PCDHGB2: variants seen among roughly 807,000 people sequenced by gnomAD.
PCDHGB2 encodes protocadherin gamma subfamily B, 2.
A neutral mutation model predicts 59.3 loss-of-function variants in PCDHGB2; 55 were observed. The observed-to-expected ratio is 0.93, with a 90% CI of 0.75 to 1.16. The LOEUF (loss-of-function observed/expected upper bound fraction) is 1.16. Ranked by LOEUF, PCDHGB2 falls within the 50% of genes most tolerant of loss-of-function variation. The pLI is 0.00. For missense variants in PCDHGB2, 1,228 were observed against 1,198.5 expected, an observed-to-expected ratio of 1.02 and a Z score of -0.36; for synonymous variants, 516 against 512.0, an observed-to-expected ratio of 1.01 and a Z score of -0.11.
intron 1 of PCDHGB2, chr5:141,385,554 T>C (rs2090283366): frequency 7.6e-7 from 1 of 1,314,354 alleles, no homozygotes; most frequent in Non-Finnish European, 9.7e-7. Context: ...TATCACATTT[T>C]ATAATTTCCA....
chr5:141,376,155 T>C, intron 1 of PCDHGB2: 1 of 1,614,062 alleles, frequency 6.2e-7, no homozygotes, highest in Non-Finnish European at 8.5e-7. Context: ...GACCTCACTC[T>C]GTACCTGGTG....
At chr5:141,403,662 A>T in intron 1 of PCDHGB2, 1 of 1,613,902 alleles carries the variant, frequency 6.2e-7, no homozygotes, top group Non-Finnish European at 8.5e-7. Context: ...GATACAAATG[A>T]TAATGCCCCG....
intron 3 of PCDHGB2, among the ~76,000 whole-genome samples, chr5:141,507,772 A>C (rs2099863177): frequency 6.6e-6 from 1 of 152,332 alleles, no homozygotes; most frequent in South Asian, 2.1e-4. Flanking sequence ...TGGCCCACAC[A>C]GGGCCTGACC....
intron 1 of PCDHGB2, chr5:141,475,902 C>A (rs1296545944): frequency 1.7e-6 from 1 of 576,594 alleles, no homozygotes; most frequent in Non-Finnish European, 3.0e-6. Context: ...GTGCCGCTGT[C>A]GGCCAATGAA....
chr5:141,389,935 C>G (rs1212194328), intron 1 of PCDHGB2: 1 of 1,613,966 alleles, frequency 6.2e-7, no homozygotes, highest in Non-Finnish European at 8.5e-7. Flanking sequence ...GACCTCCAGG[C>G]TGAGCTGCAG....
intron 2 of PCDHGB2, among the ~76,000 whole-genome samples, chr5:141,501,333 A>ACACC (rs1186649373): frequency 5.5e-4 from 77 of 140,128 alleles, no homozygotes; most frequent in African/African-American, 6.0e-4. Context: ...ACACACACAC[A>ACACC]CCCCAAACTC....
chr5:141,362,104 A>G lies in PCDHGB2; in HGVS notation c.1969A>G (p.Thr657Ala), dbSNP rs1762332057. ...TGGAGGACAGCCGCCACTCTCCGCT[A>G]CGGCCACGCTGCACCTAATCTTCGC... Reference protein sequence around the residue: ...RDGGQPPLSATATLHLIFADS... With the variant: ...RDGGQPPLSAAATLHLIFADS... The change falls in exon 1 of 4, where the codon ACG (threonine) becomes GCG (alanine). Residue 657 changes from threonine (T) to alanine (A), a missense_variant. By Grantham distance (58) the Thr-to-Ala change is moderately conservative (BLOSUM62 0). Around this residue, in one of 3 missense-constraint regions of PCDHGB2, gnomAD observed 433 missense variants for 441.8 expected, o/e 0.98. Coordinates refer to ENST00000522605, the MANE Select transcript of PCDHGB2 (RefSeq NM_018923.3). 6.2e-7 allele frequency: 1 copy of G among 1,613,874 alleles called. No homozygotes were observed. The highest frequency in any genetic ancestry group is 8.5e-7 in the Non-Finnish European group (1 of 1,179,894).
intron 1 of PCDHGB2, chr5:141,422,303 A>AAAAC: frequency 6.5e-7 from 1 of 1,548,740 alleles, no homozygotes; most frequent in Non-Finnish European, 8.7e-7. Flanking sequence ...TCAATTCTGG[A>AAAAC]AAACTCTCCT....
intron 1 of PCDHGB2, chr5:141,402,915 CAG>C: frequency 6.4e-7 from 1 of 1,564,688 alleles, no homozygotes; most frequent in Non-Finnish European, 8.7e-7. Flanking sequence ...GCAGCGCGCA[CAG>C]AGATCCTTTT....
chr5:141,417,236 A>T (rs1387216221), intron 1 of PCDHGB2: 2 of 152,220 alleles, frequency 1.3e-5, no homozygotes, highest in Admixed American at 1.3e-4. Flanking sequence ...TTTGTTGCTT[A>T]TCTTCAGTAC....
chr5:141,383,268 A>C (rs773903039), intron 1 of PCDHGB2: 1 of 1,613,816 alleles, frequency 6.2e-7, no homozygotes, highest in Non-Finnish European at 8.5e-7. Context: ...ACGTGGAAAT[A>C]ATAGATATTA....
rs140056243 is a variant in PCDHGB2 at position 141,487,386 on chromosome 5, G to A, written c.2422-7421G>A. 21 of 1,614,046 alleles carry A rather than the reference G, an allele frequency of 1.3e-5. No individual in the cohort carries two copies. The highest frequency in any genetic ancestry group is 4.0e-5 in the African/African-American group (3 of 74,920). On this transcript the variant is annotated intron_variant, in intron 1 of 3. Coordinates refer to ENST00000522605, the MANE Select transcript of PCDHGB2 (RefSeq NM_018923.3). The surrounding 1 kb of genome is among the most constrained non-coding windows in gnomAD (Gnocchi z 5.0). Reference sequence around the variant, plus strand: ...ACCTGTGCCTGTCTCACCAGATCTCGAAGGAGGGAGGGGCTTCCCCCTTCC... The same window carrying A: ...ACCTGTGCCTGTCTCACCAGATCTCAAAGGAGGGAGGGGCTTCCCCCTTCC...
At chr5:141,473,335 C>T (rs1243738475) in intron 1 of PCDHGB2, among the ~76,000 whole-genome samples, 3 of 152,184 alleles carry the variant, frequency 2.0e-5, no homozygotes, top group Non-Finnish European at 4.4e-5. Context: ...GCCTGCTGTG[C>T]TAGACAGTGA....
At chr5:141,403,905 A>G in intron 1 of PCDHGB2, 1 of 1,613,894 alleles carries the variant, frequency 6.2e-7, no homozygotes, top group Non-Finnish European at 8.5e-7. Context: ...TATGAAATGG[A>G]AATACAAGCT....
rs749244644 is a variant in PCDHGB2, at chr5:141,360,283, C to T, written c.148C>T (p.Leu50Phe). ...ELAKNSVVGN[L>F]AKDLGLSVRD... ...GGCCAAAAACTCGGTCGTAGGAAACCTCGCCAAGGATCTGGGGCTCAGCGT... is the reference window on the plus strand; with the variant it reads ...GGCCAAAAACTCGGTCGTAGGAAACTTCGCCAAGGATCTGGGGCTCAGCGT... The change falls in exon 1 of 4, where the codon CTC becomes TTC. Residue 50 changes from leucine to phenylalanine, a missense_variant. Leu to Phe is a conservative substitution (Grantham distance 22, BLOSUM62 0). Around this residue, in one of 3 missense-constraint regions of PCDHGB2, gnomAD observed 781 missense variants for 721.6 expected, o/e 1.08. Transcript: ENST00000522605. The T allele has an allele frequency of 6.2e-7, 1 of 1,613,984 alleles. No individual in the cohort carries two copies. Among genetic ancestry groups the T allele is most frequent in the Non-Finnish European group, 8.5e-7 (1 of 1,179,892 alleles).
chr5:141,489,844 C>T lies in PCDHGB2; in HGVS notation c.2422-4963C>T, dbSNP rs1004902910. 4.3e-6 allele frequency: 7 copies of T among 1,614,148 alleles called. No homozygotes were observed. The African/African-American group carries it at 9.3e-5, about 22-fold the overall frequency. ...GCTGGTGCTAGAGCAGCAGCTGGAT[C>T]GTGAAGCCCAGGCAAGACATCAGCT... On this transcript the variant is annotated intron_variant, in intron 1 of 3. Transcript: ENST00000522605. The surrounding 1 kb of genome is among the most constrained non-coding windows in gnomAD (Gnocchi z 4.5).
At chr5:141,504,203 A>G (rs2099836487) in intron 2 of PCDHGB2, among the ~76,000 whole-genome samples, 1 of 152,248 alleles carries the variant, frequency 6.6e-6, no homozygotes, top group Non-Finnish European at 1.5e-5. Context: ...TCACTGTGGG[A>G]AAATTCCAAG....
chr5:141,394,748 C>G (rs960054108), intron 1 of PCDHGB2: 7 of 1,613,296 alleles, frequency 4.3e-6, no homozygotes, highest in Non-Finnish European at 5.9e-6. Flanking sequence ...TCGTGGTGGC[C>G]GTCCAGGACC....
intron 1 of PCDHGB2, among the ~76,000 whole-genome samples, chr5:141,470,600 G>A (rs890975756): frequency 4.6e-5 from 7 of 152,142 alleles, no homozygotes; most frequent in South Asian, 2.1e-4. Context: ...CGACCTGTGC[G>A]GGGACACAGG....
Sources: allele counts gnomAD v4.1 joint callset (sites outside exome capture counted in the v4.1 genomes callset), GRCh38; gene constraint gnomAD v4.1.1; regional missense constraint gnomAD v4.1.1; non-coding constraint Gnocchi (gnomAD v3.1); transcripts MANE v1.5; gene names NCBI Gene and HGNC (gene_info 2026-07-23, HGNC 2026-07-21).